The following SLC45A4 variants were observed in gnomAD, a reference collection of about 807,000 sequenced individuals.
The protein encoded by SLC45A4 is polyamine-transporter SLC45A4.
SLC45A4 carries 32 observed loss-of-function variants against 63.7 expected under a neutral mutation model. The ratio of observed to expected loss-of-function variants is 0.50; its 90% CI spans 0.38 to 0.67. The LOEUF is 0.67. Ranked by LOEUF, SLC45A4 falls within the 30% of genes least tolerant of loss-of-function variation. The probability of loss-of-function intolerance (pLI) is 0.00; values close to 1 mark genes in which losing one functional copy is unlikely to be tolerated. For missense variants in SLC45A4, 1,027 were observed against 1,157.7 expected, an observed-to-expected ratio of 0.89 and a Z score of 1.64; for synonymous variants, 535 against 510.0, an observed-to-expected ratio of 1.05 and a Z score of -0.66.
intron 2 of SLC45A4, chr8:141,225,435 C>A (rs184609716): frequency 6.6e-6 from 1 of 152,250 alleles, no homozygotes; most frequent in Admixed American, 6.5e-5. Context: ...GGGTTAAAAG[C>A]GGTGCCAAGA....
chr8:141,305,627 G>C (rs956980154), intron 1 of SLC45A4, among the ~76,000 whole-genome samples: 1 of 152,198 alleles, frequency 6.6e-6, no homozygotes, highest in Non-Finnish European at 1.5e-5. Flanking sequence ...TACAGTGCTT[G>C]TCAGTCACCC....
intron 2 of SLC45A4, among the ~76,000 whole-genome samples, chr8:141,231,885 G>A (rs1827374736): frequency 6.6e-6 from 1 of 152,242 alleles, no homozygotes; most frequent in African/African-American, 2.4e-5. Flanking sequence ...CAAATGGCCC[G>A]AGATCAGGAG....
intron 1 of SLC45A4, among the ~76,000 whole-genome samples, chr8:141,286,519 C>G (rs1044675014): frequency 6.6e-6 from 1 of 152,154 alleles, no homozygotes; most frequent in Non-Finnish European, 1.5e-5. Context: ...AGGTGCAAAT[C>G]GAGGAATTTA....
intron 1 of SLC45A4, among the ~76,000 whole-genome samples, chr8:141,299,283 G>A (rs1422180855): frequency 6.6e-6 from 1 of 152,242 alleles, no homozygotes. Context: ...TCTACGGAAG[G>A]AGAAAGCGGA....
At chr8:141,305,938 C>A (rs1589872739) in intron 1 of SLC45A4, among the ~76,000 whole-genome samples, 1 of 152,212 alleles carries the variant, frequency 6.6e-6, no homozygotes, top group Non-Finnish European at 1.5e-5. Flanking sequence ...CCCTGCAGAT[C>A]TGCGGGGCGG....
At chr8:141,268,748 T>TC (rs1168552432) in intron 1 of SLC45A4, among the ~76,000 whole-genome samples, 1 of 152,168 alleles carries the variant, frequency 6.6e-6, no homozygotes, top group Non-Finnish European at 1.5e-5. Context: ...TTAAGGGGCA[T>TC]CCATGCTGAC....
chr8:141,216,977 A>C, intron 6 of SLC45A4, 113 bp downstream of exon 6: 1 of 1,064,814 alleles, frequency 9.4e-7, no homozygotes, highest in East Asian at 2.5e-5. Flanking sequence ...AGGGACCCAG[A>C]AGTCAGTGCG....
At chr8:141,216,077 C>T (rs1826133435) in intron 6 of SLC45A4, 107 bp from the exon 7 acceptor site, 1 of 1,007,444 alleles carries the variant, frequency 9.9e-7, no homozygotes, top group African/African-American at 1.6e-5. Context: ...GACCTCCACT[C>T]CTTCCAGCTG....
Position 141,240,915 on chromosome 8 carries a change from G to A in SLC45A4, c.241+13074C>T, listed in dbSNP as rs905331099. Among the ~76,000 whole-genome samples the A allele has an allele frequency of 5.3e-5, 8 of 152,326 alleles. No homozygotes were observed. The South Asian group carries it at 6.2e-4, about 12-fold the overall frequency. ...AAAGCCCTCCTCTCCCCTCCAGACC[G>A]TCCTGTGAGGGCAGCTGGGGGCAGC... On this transcript the variant is annotated intron_variant, in intron 2 of 8. Transcript: ENST00000517878.
chr8:141,261,535 C>T (rs562565357), intron 1 of SLC45A4, among the ~76,000 whole-genome samples: 1 of 152,168 alleles, frequency 6.6e-6, no homozygotes, highest in African/African-American at 2.4e-5. Context: ...TCTCAGGATA[C>T]AAAATCAATG....
rs1161916876 is a variant in SLC45A4, at chr8:141,292,455, G to T, written c.-401+15641C>A. 5.3e-5 allele frequency among the ~76,000 whole-genome samples: 8 copies of T among 152,364 alleles called. No individual in the cohort carries two copies. The East Asian group carries it at 1.5e-3, about 29-fold the overall frequency. On this transcript the variant is annotated intron_variant, in intron 1 of 8. Transcript: ENST00000517878. ...CCGTGGAGCACAGAGCCCCGCACGC[G>T]CCCAGGGCGGGAGGCTGGCCAAGCA...
chr8:141,284,311 G>A (rs1014560546), intron 1 of SLC45A4, among the ~76,000 whole-genome samples: 6 of 152,226 alleles, frequency 3.9e-5, no homozygotes, highest in African/African-American at 1.4e-4. Context: ...GTGGCCACAG[G>A]GCCAGGGTGG....
At chr8:141,238,871 C>T (rs868598887) in intron 2 of SLC45A4, among the ~76,000 whole-genome samples, 11 of 152,208 alleles carry the variant, frequency 7.2e-5, no homozygotes, top group African/African-American at 2.4e-4. Flanking sequence ...AGACACGCAG[C>T]CCCATGAAAG....
At chr8:141,228,140 C>G in intron 2 of SLC45A4, 1 of 1,613,170 alleles carries the variant, frequency 6.2e-7, no homozygotes, top group Non-Finnish European at 8.5e-7. Flanking sequence ...ATGGAGTGAT[C>G]TGGGTGGAGG....
At chr8:141,289,727 G>A (rs1334972396) in intron 1 of SLC45A4, among the ~76,000 whole-genome samples, 1 of 152,144 alleles carries the variant, frequency 6.6e-6, no homozygotes, top group Non-Finnish European at 1.5e-5. Context: ...TCTGCAGAGG[G>A]GGGCTCAGGG....
chr8:141,233,030 C>T (rs1827445581), intron 2 of SLC45A4, among the ~76,000 whole-genome samples: 1 of 152,250 alleles, frequency 6.6e-6, no homozygotes, highest in Admixed American at 6.5e-5. Flanking sequence ...GTACAGCAGG[C>T]AGACACACCA....
At chr8:141,297,798 T>G (rs2154615391) in intron 1 of SLC45A4, among the ~76,000 whole-genome samples, 1 of 152,330 alleles carries the variant, frequency 6.6e-6, no homozygotes, top group Non-Finnish European at 1.5e-5. Context: ...AGTTCACTTG[T>G]TGAAAAAAAC....
At position 141,269,701 on chromosome 8, in the gene SLC45A4, CTGTGTG is replaced by C. The variant is rs144460958; in HGVS notation, c.-400-15078_-400-15073del. Among the ~76,000 whole-genome samples the C allele has an allele frequency of 4.0e-4, 57 of 143,014 alleles. No individual in the cohort carries two copies. In the Middle Eastern group the frequency reaches 0.014, roughly 35 times the overall value. 93.8% of individuals were successfully genotyped at this position (143,014 alleles called of 152,430 possible). ...TGGGCATGTGTATGTGTGTCTGTGT[CTGTGTG>C]TGTCTGTCTCTGCATCTCTGGATGG... On this transcript the variant is annotated intron_variant, in intron 1 of 8. Coordinates refer to ENST00000517878, the MANE Select transcript of SLC45A4 (RefSeq NM_001286646.2).
At chr8:141,293,515 C>A (rs1002125406) in intron 1 of SLC45A4, among the ~76,000 whole-genome samples, 3 of 152,198 alleles carry the variant, frequency 2.0e-5, no homozygotes, top group Non-Finnish European at 4.4e-5. Context: ...AGGGTGGAAT[C>A]CGCAAAGTTC....
Sources: gnomAD v4.1 joint callset for allele counts (sites outside exome capture counted in the v4.1 genomes callset) on GRCh38, gnomAD v4.1.1 for gene constraint, MANE v1.5 for transcripts, NCBI Gene and HGNC (gene_info 2026-07-23, HGNC 2026-07-21) for gene names.